Variants in TEK observed in about 807,000 individuals in gnomAD.
TEK encodes angiopoietin-1 receptor.
Under a neutral mutation model 131.8 loss-of-function variants are expected in TEK, and 43 were observed. The ratio of observed to expected loss-of-function variants is 0.33; its 90% CI spans 0.26 to 0.42. TEK has a LOEUF of 0.42. Among genes scored for constraint, TEK ranks in the 10% least tolerant of loss-of-function variants. TEK has a pLI of 1.00. For synonymous variants in TEK, 580 were observed against 491.6 expected, an observed-to-expected ratio of 1.18 and a Z score of -2.38; for missense variants, 1,162 against 1,384.4, an observed-to-expected ratio of 0.84 and a Z score of 2.55.
intron 1 of TEK, among the ~76,000 whole-genome samples, chr9:27,127,698 G>C (rs1378653819): frequency 6.6e-6 from 1 of 152,176 alleles, no homozygotes; most frequent in African/African-American, 2.4e-5. Context: ...GTATCTCATT[G>C]TGGTTTTGAT....
intron 20 of TEK, 121 bp downstream of exon 20, chr9:27,218,938 T>TATTTCCAAGTCACATC: frequency 1.0e-6 from 1 of 1,003,720 alleles, no homozygotes; most frequent in Non-Finnish European, 1.6e-6. Context: ...CAGATGTGAC[T>TATTTCCAAGTCACATC]TGGAAATAGA....
chr9:27,172,620 T>C lies in TEK; in HGVS notation c.633T>C (p.Cys211=). 6.2e-7 allele frequency: 1 copy of C among 1,613,570 alleles called. No individual in the cohort carries two copies. Among genetic ancestry groups the C allele is most frequent in the Non-Finnish European group, 8.5e-7 (1 of 1,179,588 alleles). The part of the protein sequence containing the change: ...SAFTRLIVRR[C]EAQKWGPECN... Reference sequence around the variant, plus strand: ...CCTTGTTTTCCTTAACAAAAGGATGTGAAGCCCAGAAGTGGGGACCTGAAT... The same window carrying C: ...CCTTGTTTTCCTTAACAAAAGGATGCGAAGCCCAGAAGTGGGGACCTGAAT... Residue 211 remains cysteine, a synonymous_variant, in exon 5 of 23, where the codon TGT becomes TGC. Transcript: ENST00000380036.
intron 1 of TEK, among the ~76,000 whole-genome samples, chr9:27,117,746 G>A (rs78276476): frequency 0.031 from 4,741 of 152,308 alleles, 93 homozygotes; most frequent in Non-Finnish European, 0.048. Context: ...GAAGGGCATC[G>A]TGGGCGGCTG....
intron 21 of TEK, among the ~76,000 whole-genome samples, chr9:27,220,375 G>T (rs1210482258): frequency 2.0e-5 from 3 of 152,206 alleles, no homozygotes; most frequent in East Asian, 3.8e-4. Context: ...TGACTCTTGG[G>T]AAGGTTGAAA....
At chr9:27,217,799 C>T in intron 19 of TEK, 41 bp downstream of exon 19, 2 of 1,550,598 alleles carry the variant, frequency 1.3e-6, no homozygotes, top group Non-Finnish European at 1.8e-6. Flanking sequence ...TTTTTCCCTC[C>T]CAGAAACATA....
At chr9:27,148,014 C>T (rs1249502338) in intron 1 of TEK, among the ~76,000 whole-genome samples, 1 of 152,132 alleles carries the variant, frequency 6.6e-6, no homozygotes, top group African/African-American at 2.4e-5. Flanking sequence ...TAAATGGAAA[C>T]AGTCATAGTA....
chr9:27,109,227 C>T lies in TEK; in HGVS notation c.-364C>T. 3.8e-6 allele frequency: 2 copies of T among 519,526 alleles called. No homozygotes were observed. The highest frequency in any genetic ancestry group is 6.7e-6 in the Non-Finnish European group (2 of 299,052). The allele number at this position is 519,526 out of a possible 1,614,324, so 32.2% of individuals were successfully genotyped here. A position where few individuals can be genotyped will look rare whatever the true frequency, so the allele number is the denominator to read the frequency against. On this transcript the variant is annotated 5_prime_UTR_variant, in exon 1 of 23. Transcript: ENST00000380036. ...ACCCACACTTCCAACAAAAATTCCT[C>T]TGCCCCTACAGCAGCAGCAAAAGCA... is the stretch of plus-strand genomic sequence containing the variant.
At chr9:27,145,056 C>A (rs1026012063) in intron 1 of TEK, among the ~76,000 whole-genome samples, 4 of 152,026 alleles carry the variant, frequency 2.6e-5, no homozygotes, top group Non-Finnish European at 5.9e-5. Context: ...CATATGTGGG[C>A]TCTTTGGGTT....
intron 21 of TEK, among the ~76,000 whole-genome samples, chr9:27,221,669 G>C (rs1826087629): frequency 6.6e-6 from 1 of 152,158 alleles, no homozygotes; most frequent in Admixed American, 6.5e-5. Context: ...TTCAGCACAG[G>C]GGCCTGACTA....
In TEK at chr9:27,146,978, C is replaced by T. The variant is rs529799527; in HGVS notation, c.53-10853C>T. On this transcript the variant is annotated intron_variant, in intron 1 of 22. Coordinates refer to ENST00000380036, the MANE Select transcript of TEK (RefSeq NM_000459.5). ...TCTCCTGACCTTGTGATCTGCCCGC[C>T]TCGGCCTCCCAAAGTGCTGGGATTA... is the stretch of plus-strand genomic sequence containing the variant. Among the ~76,000 whole-genome samples, 9 of 152,228 alleles carry T rather than the reference C, an allele frequency of 5.9e-5. No individual in the cohort carries two copies. In the South Asian group the frequency reaches 1.9e-3, roughly 32 times the overall value.
chr9:27,115,072 T>C (rs948076147), intron 1 of TEK, among the ~76,000 whole-genome samples: 2 of 152,186 alleles, frequency 1.3e-5, no homozygotes, highest in African/African-American at 4.8e-5. Flanking sequence ...GGCGGATGAA[T>C]TGTAAAATGT....
chr9:27,194,276 C>T (rs2131190526), intron 11 of TEK, among the ~76,000 whole-genome samples: 1 of 152,200 alleles, frequency 6.6e-6, no homozygotes, highest in East Asian at 1.9e-4. Context: ...CACTTTTCTT[C>T]TGCAGAGATT....
intron 21 of TEK, 92 bp downstream of exon 21, chr9:27,220,237 C>A: frequency 8.6e-7 from 1 of 1,157,226 alleles, no homozygotes; most frequent in South Asian, 1.3e-5. Context: ...AGCCGGTATA[C>A]ACTATACACA....
intron 1 of TEK, among the ~76,000 whole-genome samples, chr9:27,134,528 T>C (rs1453452757): frequency 6.6e-6 from 1 of 152,222 alleles, no homozygotes; most frequent in East Asian, 1.9e-4. Flanking sequence ...TTTCTATCTC[T>C]TTTATGAGCC....
rs1307510192 is a variant in TEK at position 27,212,817 on chromosome 9, G to A, written c.2797G>A (p.Ala933Thr). 5 of 1,613,898 alleles carry A rather than the reference G, an allele frequency of 3.1e-6. No homozygotes were observed. Among genetic ancestry groups the A allele is most frequent in the Non-Finnish European group, 4.2e-6 (5 of 1,180,012 alleles). ...AGCATTTGCCATTGCCAATAGCACC[G>A]CGTCCACACTGTCCTCCCAGCAGCT... ...DPAFAIANSTASTLSSQQLLH... is the reference protein window; with the variant it reads ...DPAFAIANSTTSTLSSQQLLH... Residue 933 changes from alanine (A) to threonine (T), a missense_variant, in exon 17 of 23, where the codon GCG becomes ACG. Transcript: ENST00000380036.
At chr9:27,136,476 G>A (rs926351088) in intron 1 of TEK, among the ~76,000 whole-genome samples, 2 of 152,094 alleles carry the variant, frequency 1.3e-5, no homozygotes, top group Non-Finnish European at 2.9e-5. Flanking sequence ...TTCAAATTTT[G>A]TCAACCCAGA....
At chr9:27,184,886 A>T (rs1824539761) in intron 8 of TEK, among the ~76,000 whole-genome samples, 1 of 152,076 alleles carries the variant, frequency 6.6e-6, no homozygotes, top group Non-Finnish European at 1.5e-5. Flanking sequence ...AAAATAAAAA[A>T]AGAATTAGCT....
At chr9:27,134,039 C>T (rs547780449) in intron 1 of TEK, among the ~76,000 whole-genome samples, 1 of 152,180 alleles carries the variant, frequency 6.6e-6, no homozygotes, top group Admixed American at 6.5e-5. Flanking sequence ...GTATTTTCCA[C>T]TGGCTGTAGA....
chr9:27,214,960 C>G (rs185754579), intron 18 of TEK, among the ~76,000 whole-genome samples: 2 of 152,290 alleles, frequency 1.3e-5, no homozygotes, highest in Admixed American at 1.3e-4. Flanking sequence ...CATCACTCAC[C>G]TACCTACTCC....
Sources: allele counts gnomAD v4.1 joint callset (sites outside exome capture counted in the v4.1 genomes callset), GRCh38; gene constraint gnomAD v4.1.1; transcripts MANE v1.5; gene names NCBI Gene and HGNC (gene_info 2026-07-23, HGNC 2026-07-21).